Variants in CAST observed in about 807,000 individuals in gnomAD.
The protein encoded by CAST is calpastatin, also known as MIR583 host.
CAST carries 76 observed loss-of-function variants against 119.6 expected under a neutral mutation model. The observed-to-expected ratio is 0.64, with a 90% CI of 0.53 to 0.77. The LOEUF (loss-of-function observed/expected upper bound fraction) is 0.77. Ranked by LOEUF, CAST falls within the 30% of genes least tolerant of loss-of-function variation. CAST has a pLI of 0.00. For missense variants in CAST, 953 were observed against 946.5 expected, an observed-to-expected ratio of 1.01 and a Z score of -0.09; for synonymous variants, 319 against 331.6, an observed-to-expected ratio of 0.96 and a Z score of 0.41.
chr5:96,593,594 GAGC>G (rs746229009), intron 1 of CAST, among the ~76,000 whole-genome samples: 2 of 152,224 alleles, frequency 1.3e-5, no homozygotes, highest in African/African-American at 2.4e-5. Context: ...TGGACTGAAT[GAGC>G]AGAAGAGATA....
At chr5:95,991,753 G>A in the CAST span, among the ~76,000 whole-genome samples, 6 of 151,742 alleles carry the variant, frequency 4.0e-5, no homozygotes, top group African/African-American at 1.5e-4. Context: ...TTAGTCACCC[G>A]CCTCAGCCTC....
the CAST span, among the ~76,000 whole-genome samples, chr5:96,436,062 G>A: frequency 6.6e-6 from 1 of 152,138 alleles, no homozygotes; most frequent in South Asian, 2.1e-4. Context: ...TTAAAGAATG[G>A]GTAAGGAAAT....
chr5:96,304,157 T>C, the CAST span, among the ~76,000 whole-genome samples: 4 of 152,352 alleles, frequency 2.6e-5, no homozygotes, highest in South Asian at 8.3e-4. Context: ...TGGCGAGAGA[T>C]GGTATCTCAA....
chr5:96,367,250 C>A, the CAST span, among the ~76,000 whole-genome samples: 2 of 152,092 alleles, frequency 1.3e-5, no homozygotes, highest in African/African-American at 4.8e-5. Context: ...GGATGCCTCC[C>A]AGTTAGGCTA....
chr5:96,734,730 G>A (rs2150477824), intron 9 of CAST, among the ~76,000 whole-genome samples: 1 of 152,316 alleles, frequency 6.6e-6, no homozygotes, highest in South Asian at 2.1e-4. Flanking sequence ...GCACCTTGCA[G>A]TCCAGTCCCT....
chr5:96,685,706 A>T (rs1751999405), intron 2 of CAST, among the ~76,000 whole-genome samples: 2 of 152,332 alleles, frequency 1.3e-5, no homozygotes, highest in Admixed American at 6.5e-5. Flanking sequence ...AGTGATTATC[A>T]ACTCTTTTTG....
the CAST span, among the ~76,000 whole-genome samples, chr5:96,139,026 T>C: frequency 0.27 from 41,105 of 151,892 alleles, 6,168 homozygotes; most frequent in Middle Eastern, 0.34. Context: ...AGTGTCCAGA[T>C]TTTCACCTAT....
At position 96,565,180 on chromosome 5, in the gene CAST, T is replaced by TA. The variant is rs1454062535; in HGVS notation, c.60+35308dup. 4.0e-5 allele frequency among the ~76,000 whole-genome samples: 6 copies of TA among 149,838 alleles called. No homozygotes were observed. In the South Asian group the frequency reaches 6.3e-4, roughly 16 times the overall value. ...GCAATTAATAAAAATTTTCCCACAC[T>TA]AAAAAAAATAGCCTCTCCTTAACTC... is the stretch of plus-strand genomic sequence containing the variant. On this transcript the variant is annotated intron_variant, in intron 1 of 11. Transcript: ENST00000505143.
At chr5:96,005,292 C>T in the CAST span, among the ~76,000 whole-genome samples, 2 of 151,956 alleles carry the variant, frequency 1.3e-5, no homozygotes, top group Non-Finnish European at 2.9e-5. Context: ...TCCTAGAGAG[C>T]CTACCAGTTA....
chr5:96,010,555 G>T, the CAST span, among the ~76,000 whole-genome samples: 1 of 152,220 alleles, frequency 6.6e-6, no homozygotes, highest in African/African-American at 2.4e-5. Context: ...GAAGTGATCT[G>T]CCTGCTCCGG....
At chr5:96,571,385 T>C (rs1455794252) in intron 1 of CAST, among the ~76,000 whole-genome samples, 4 of 152,208 alleles carry the variant, frequency 2.6e-5, no homozygotes, top group Non-Finnish European at 5.9e-5. Context: ...ACACAAGCAT[T>C]CTCTGGGCAT....
the CAST span, among the ~76,000 whole-genome samples, chr5:96,431,842 C>T: frequency 7.7e-3 from 1,179 of 152,258 alleles, 30 homozygotes; most frequent in East Asian, 0.057. Flanking sequence ...ACTGCCTCCT[C>T]CCACGCTTCA....
the CAST span, among the ~76,000 whole-genome samples, chr5:96,052,982 C>G: frequency 6.6e-6 from 1 of 151,936 alleles, no homozygotes; most frequent in Admixed American, 6.6e-5. Flanking sequence ...GTATGGCGAC[C>G]CAGAGACTTG....
At position 96,762,372 on chromosome 5, in the gene CAST, G is replaced by A. The variant is rs533215825; in HGVS notation, c.1932G>A (p.Ser644=). The change falls in exon 25 of 32, where the codon TCG becomes TCA. Residue 644 remains serine, a splice_region_variant and synonymous_variant. Coordinates refer to ENST00000675179, the MANE Select transcript of CAST (RefSeq NM_001750.7). ...TQAGAPPRDT[S]QSDKDLDDAL... ...CTGGAGCCCCACCCCGTGATACCTC[G>A]GTAAGCAGCACATCTTATTTGGGAG... is the stretch of plus-strand genomic sequence containing the variant. The A allele has an allele frequency of 3.8e-6, 6 of 1,583,954 alleles. No individual in the cohort carries two copies. Among genetic ancestry groups the A allele is most frequent in the Admixed American group, 3.8e-5 (2 of 52,702 alleles).
intron 3 of CAST, among the ~76,000 whole-genome samples, chr5:96,714,297 T>C (rs1756801389): frequency 6.6e-6 from 1 of 152,246 alleles, no homozygotes. Flanking sequence ...CTCATGCTCT[T>C]AACCTCTGTG....
At chr5:96,600,050 T>C (rs1425923987) in intron 1 of CAST, among the ~76,000 whole-genome samples, 1 of 151,628 alleles carries the variant, frequency 6.6e-6, no homozygotes, top group Non-Finnish European at 1.5e-5. Context: ...CCAAAGGTAG[T>C]GGCTAGACAA....
At chr5:96,560,789 T>C (rs1746343299) in intron 1 of CAST, among the ~76,000 whole-genome samples, 1 of 152,154 alleles carries the variant, frequency 6.6e-6, no homozygotes, top group Non-Finnish European at 1.5e-5. Context: ...TGGAAGTCAG[T>C]GTGGCGATTC....
the CAST span, among the ~76,000 whole-genome samples, chr5:96,513,301 C>G: frequency 6.6e-6 from 1 of 152,208 alleles, no homozygotes; most frequent in Non-Finnish European, 1.5e-5. Context: ...AAACACATAT[C>G]TGTCCTTGGA....
intron 1 of CAST, among the ~76,000 whole-genome samples, chr5:96,613,611 T>C (rs1462144174): frequency 6.6e-6 from 1 of 152,192 alleles, no homozygotes; most frequent in African/African-American, 2.4e-5. Context: ...CCCCAAATTC[T>C]GTGTTCTTAA....
Sources: allele counts gnomAD v4.1 joint callset (sites outside exome capture counted in the v4.1 genomes callset), GRCh38; gene constraint gnomAD v4.1.1; transcripts MANE v1.5; gene names NCBI Gene and HGNC (gene_info 2026-07-23, HGNC 2026-07-21).